Variants in USP28 observed in about 807,000 individuals in gnomAD.
USP28 encodes the protein ubiquitin carboxyl-terminal hydrolase 28.
In USP28, 113 loss-of-function variants were observed where a neutral mutation model predicts 145.0. The observed-to-expected ratio is 0.78, with a 90% CI of 0.67 to 0.91. The LOEUF (loss-of-function observed/expected upper bound fraction) is 0.91, where lower values mean the gene tolerates loss of function less well. Among genes scored for constraint, USP28 ranks in the 40% least tolerant of loss-of-function variants. The pLI is 0.00. For synonymous variants in USP28, 447 were observed against 450.9 expected (o/e 0.99, Z 0.11); for missense variants, 1,201 against 1,289.6 (o/e 0.93, Z 1.05).
intron 1 of USP28, among the ~76,000 whole-genome samples, chr11:113,858,685 C>G (rs1651540727): frequency 6.6e-6 from 1 of 152,242 alleles, no homozygotes; most frequent in South Asian, 2.1e-4. Context: ...TCTCAGCTCA[C>G]TGCAAACTCC....
At chr11:113,808,850 GTAGT>G (rs1318795500) in intron 17 of USP28, among the ~76,000 whole-genome samples, 1 of 152,340 alleles carries the variant, frequency 6.6e-6, no homozygotes, top group South Asian at 2.1e-4. Flanking sequence ...AAGGTCACAG[GTAGT>G]TAGTCTTTCT....
chr11:113,852,619 G>A (rs1946597722), exon 3 of USP28: 1 of 1,613,944 alleles, frequency 6.2e-7, no homozygotes, highest in Non-Finnish European at 8.5e-7. Flanking sequence ...CCTGAGTAAT[G>A]TCACCATTAC....
chr11:113,823,954 T>C (rs1446715728), intron 11 of USP28, among the ~76,000 whole-genome samples: 1 of 152,032 alleles, frequency 6.6e-6, no homozygotes, highest in Non-Finnish European at 1.5e-5. Context: ...GAAAAACAAA[T>C]GAAAGGCATG....
intron 3 of USP28, among the ~76,000 whole-genome samples, chr11:113,847,802 T>G (rs1286451066): frequency 6.6e-6 from 1 of 152,210 alleles, no homozygotes; most frequent in Non-Finnish European, 1.5e-5. Context: ...AAATAGACAC[T>G]GGCTTTATCA....
chr11:113,835,140 A>G, intron 5 of USP28: 1 of 390,612 alleles, frequency 2.6e-6, no homozygotes, highest in Non-Finnish European at 5.0e-6. Context: ...GTTTAACAGC[A>G]GATGGTAGAA....
rs183926637 is a variant in USP28 at position 113,806,946 on chromosome 11, G to C, written c.2305-362C>G. On this transcript the variant is annotated intron_variant, in intron 18 of 24. Coordinates refer to ENST00000003302, the Ensembl canonical transcript of USP28. The stretch of plus-strand genomic sequence containing the variant: ...AAGGTCAGAATTCCAATTTAGTTCT[G>C]TACTTTGGGTGTATATCTTAAACAC... Among the ~76,000 whole-genome samples, 3 of 152,224 alleles carry C rather than the reference G, an allele frequency of 2.0e-5. No homozygotes were observed. The East Asian group carries it at 5.8e-4, about 29-fold the overall frequency.
intron 1 of USP28, among the ~76,000 whole-genome samples, chr11:113,860,185 T>G (rs565603528): frequency 6.6e-6 from 1 of 152,330 alleles, no homozygotes; most frequent in South Asian, 2.1e-4. Flanking sequence ...AAACTCCTAA[T>G]TTAGCATTGT....
At chr11:113,856,914 C>A (rs1445180636) in intron 1 of USP28, among the ~76,000 whole-genome samples, 1 of 152,088 alleles carries the variant, frequency 6.6e-6, no homozygotes, top group African/African-American at 2.4e-5. Flanking sequence ...TGCACCCTAA[C>A]AAGTTTATTT....
At chr11:113,837,743 G>A (rs750884790) in intron 5 of USP28, among the ~76,000 whole-genome samples, 7 of 152,148 alleles carry the variant, frequency 4.6e-5, no homozygotes, top group Non-Finnish European at 5.9e-5. Context: ...AATGAGTTGA[G>A]TTTTCCATGT....
At chr11:113,862,680 C>T (rs1374758520) in intron 1 of USP28, among the ~76,000 whole-genome samples, 1 of 152,030 alleles carries the variant, frequency 6.6e-6, no homozygotes, top group African/African-American at 2.4e-5. Flanking sequence ...AGAGAGAAAG[C>T]TTAGTCATAC....
At chr11:113,844,677 A>C (rs1945621854) in intron 3 of USP28, among the ~76,000 whole-genome samples, 1 of 152,212 alleles carries the variant, frequency 6.6e-6, no homozygotes, top group Non-Finnish European at 1.5e-5. Context: ...AATCATCAGA[A>C]AAATGCAAAT....
chr11:113,838,500 T>C (rs1944836449), intron 5 of USP28, among the ~76,000 whole-genome samples: 1 of 152,214 alleles, frequency 6.6e-6, no homozygotes. Context: ...GATCACTCCG[T>C]CTTAGCTATT....
intron 3 of USP28, among the ~76,000 whole-genome samples, chr11:113,849,552 G>C (rs538099562): frequency 7.2e-5 from 11 of 152,254 alleles, no homozygotes; most frequent in African/African-American, 2.6e-4. Flanking sequence ...CTATTAAAGG[G>C]ATGTCCGTAT....
chr11:113,853,373 A>C (rs1444117365), intron 2 of USP28, among the ~76,000 whole-genome samples: 3 of 150,258 alleles, frequency 2.0e-5, no homozygotes, highest in Non-Finnish European at 4.4e-5. Flanking sequence ...TCTTGTTTTT[A>C]ATGTTTTATG....
intron 12 of USP28, chr11:113,821,661 G>T: frequency 5.1e-6 from 1 of 194,534 alleles, no homozygotes. Flanking sequence ...TTCTGGGAAG[G>T]GAGGGGTCTT....
intron 11 of USP28, among the ~76,000 whole-genome samples, chr11:113,826,476 A>AT (rs538682333): frequency 0.068 from 9,632 of 141,300 alleles, 410 homozygotes; most frequent in Non-Finnish European, 0.092. Context: ...CACCCAGCTA[A>AT]TTTTTTTTTT....
chr11:113,821,987 T>C (rs1267094496), intron 12 of USP28: 1 of 152,220 alleles, frequency 6.6e-6, no homozygotes, highest in African/African-American at 2.4e-5. Context: ...AGGTCTCATT[T>C]TATTTTAAAA....
Position 113,840,592 on chromosome 11 carries a change from T to A in USP28, c.534+6A>T. 1 of 1,609,148 alleles carries A rather than the reference T, an allele frequency of 6.2e-7. No homozygotes were observed. The highest frequency in any genetic ancestry group is 1.1e-5 in the South Asian group (1 of 90,232). ...AAGACACAGTTATCTCTTAAAAATA[T>A]CATACCTGAATAACAGCACTAAACC... is the stretch of plus-strand genomic sequence containing the variant. On this transcript the variant is annotated splice_donor_region_variant and intron_variant, in intron 5 of 24. Transcript: ENST00000003302.
intron 5 of USP28, among the ~76,000 whole-genome samples, chr11:113,836,384 C>T (rs1025123663): frequency 2.0e-5 from 3 of 152,144 alleles, no homozygotes; most frequent in Non-Finnish European, 4.4e-5. Flanking sequence ...CTCCCATCGC[C>T]GCTCACTTGC....
Sources: allele counts gnomAD v4.1 joint callset (sites outside exome capture counted in the v4.1 genomes callset), GRCh38; gene constraint gnomAD v4.1.1; transcripts MANE v1.5; gene names NCBI Gene and HGNC (gene_info 2026-07-23, HGNC 2026-07-21).